The following RIMS1 variants were observed in gnomAD, a reference collection of about 807,000 sequenced individuals.
RIMS1 encodes the protein regulating synaptic membrane exocytosis 1.
A neutral mutation model predicts 214.1 loss-of-function variants in RIMS1; 83 were observed. The ratio of observed to expected loss-of-function variants is 0.39; its 90% CI spans 0.32 to 0.47. The LOEUF is 0.47. RIMS1 is among the 20% of genes least tolerant of loss of function. RIMS1 has a pLI of 0.99. For missense variants in RIMS1, 2,050 were observed against 2,161.8 expected (o/e 0.95, Z 1.03); for synonymous variants, 793 against 786.8 (o/e 1.01, Z -0.13).
At chr6:71,954,266 T>TA (rs1455244889) in intron 1 of RIMS1, among the ~76,000 whole-genome samples, 1 of 152,208 alleles carries the variant, frequency 6.6e-6, no homozygotes, top group African/African-American at 2.4e-5. Context: ...TTCCCAGCAA[T>TA]AAATCTTAGT....
intron 4 of RIMS1, among the ~76,000 whole-genome samples, chr6:72,150,339 A>G (rs2043365759): frequency 6.6e-6 from 1 of 152,192 alleles, no homozygotes; most frequent in Non-Finnish European, 1.5e-5. Flanking sequence ...GAGGTTCTCA[A>G]TTTGGTCTGT....
intron 25 of RIMS1, among the ~76,000 whole-genome samples, 186 bp from the exon 26 acceptor site, chr6:72,291,748 C>T (rs1285698938): frequency 6.6e-6 from 1 of 152,172 alleles, no homozygotes; most frequent in Non-Finnish European, 1.5e-5. Context: ...GCACATTGCC[C>T]TATCTCATTT....
intron 29 of RIMS1, among the ~76,000 whole-genome samples, chr6:72,340,542 A>T (rs2097032552): frequency 6.6e-6 from 1 of 152,154 alleles, no homozygotes; most frequent in African/African-American, 2.4e-5. Context: ...TAAATAGGGA[A>T]TCCTTTCCCC....
rs1291728332 is a variant in RIMS1, at chr6:72,390,583, ACT to A, written c.4367-9_4367-8del. ...CTAAATAAAACTTAGAGTTTCTTTT[ACT>A]CTCTCCTGTCAGAGTCGGGCCACAA... On this transcript the variant is annotated splice_polypyrimidine_tract_variant and intron_variant, in intron 29 of 33. Transcript: ENST00000521978. The A allele has an allele frequency of 2.5e-6, 4 of 1,605,248 alleles. No individual in the cohort carries two copies. The highest frequency in any genetic ancestry group is 3.4e-6 in the Non-Finnish European group (4 of 1,175,398).
intron 28 of RIMS1, among the ~76,000 whole-genome samples, chr6:72,319,860 C>G (rs1011304390): frequency 1.9e-4 from 29 of 151,862 alleles, no homozygotes; most frequent in Non-Finnish European, 4.1e-4. Context: ...TGAATCATAC[C>G]TGCCACTCCT....
At chr6:72,306,477 G>A (rs2095180359) in intron 26 of RIMS1, among the ~76,000 whole-genome samples, 2 of 152,144 alleles carry the variant, frequency 1.3e-5, no homozygotes, top group Admixed American at 6.5e-5. Flanking sequence ...TTGAAGTGAT[G>A]TTGCTGATGG....
At chr6:72,238,896 C>T (rs2065451632) in intron 9 of RIMS1, among the ~76,000 whole-genome samples, 1 of 152,038 alleles carries the variant, frequency 6.6e-6, no homozygotes, top group Non-Finnish European at 1.5e-5. Flanking sequence ...GATATCAGTT[C>T]AAAATCATTT....
At chr6:72,264,339 A>G (rs922663512) in intron 19 of RIMS1, among the ~76,000 whole-genome samples, 2 of 152,204 alleles carry the variant, frequency 1.3e-5, no homozygotes, top group Non-Finnish European at 2.9e-5. Context: ...CTGCCAATTC[A>G]AAATCCATAT....
At chr6:72,207,853 C>T (rs2053191905) in intron 6 of RIMS1, among the ~76,000 whole-genome samples, 1 of 152,042 alleles carries the variant, frequency 6.6e-6, no homozygotes, top group Non-Finnish European at 1.5e-5. Flanking sequence ...TTTTTTAAGG[C>T]ATAGTGGAGT....
chr6:72,206,241 T>C (rs1183577374), intron 6 of RIMS1, among the ~76,000 whole-genome samples: 1 of 152,208 alleles, frequency 6.6e-6, no homozygotes, highest in African/African-American at 2.4e-5. Context: ...ATGCATTTCA[T>C]TTCTATCATT....
chr6:72,236,034 A>G (rs1387578909), intron 8 of RIMS1, among the ~76,000 whole-genome samples: 1 of 152,096 alleles, frequency 6.6e-6, no homozygotes, highest in Non-Finnish European at 1.5e-5. Context: ...TCTAATTACA[A>G]TAGTTTTGTA....
chr6:72,243,968 CTT>C (rs1220455350), intron 10 of RIMS1, among the ~76,000 whole-genome samples: 3 of 141,264 alleles, frequency 2.1e-5, no homozygotes, highest in Non-Finnish European at 1.6e-5. Flanking sequence ...ATTTTAGCTG[CTT>C]TTTTTTTTTT....
chr6:71,946,660 A>T (rs1337503846), intron 1 of RIMS1, among the ~76,000 whole-genome samples: 1 of 152,166 alleles, frequency 6.6e-6, no homozygotes, highest in African/African-American at 2.4e-5. Flanking sequence ...TAAATGTAAG[A>T]CCTGAAACTC....
At chr6:71,966,143 C>A (rs1287475471) in intron 1 of RIMS1, among the ~76,000 whole-genome samples, 1 of 152,076 alleles carries the variant, frequency 6.6e-6, no homozygotes, top group Non-Finnish European at 1.5e-5. Context: ...TAGAAGCCCC[C>A]GAAATTGGGT....
chr6:72,348,849 A>G (rs2097352876), intron 29 of RIMS1, among the ~76,000 whole-genome samples: 1 of 152,010 alleles, frequency 6.6e-6, no homozygotes, highest in African/African-American at 2.4e-5. Context: ...ATAAAAATGT[A>G]CATTTATGAG....
intron 2 of RIMS1, among the ~76,000 whole-genome samples, chr6:72,033,555 C>T (rs1818748812): frequency 6.7e-6 from 1 of 150,308 alleles, no homozygotes; most frequent in African/African-American, 2.5e-5. Context: ...GATCTCGGCT[C>T]ACTGCTACCT....
intron 28 of RIMS1, among the ~76,000 whole-genome samples, chr6:72,319,537 G>A (rs894310417): frequency 6.6e-6 from 1 of 152,130 alleles, no homozygotes; most frequent in African/African-American, 2.4e-5. Context: ...AAGACTACCA[G>A]CCTGCCCTTA....
chr6:72,255,939 G>A (rs974854194), intron 16 of RIMS1, among the ~76,000 whole-genome samples: 1 of 151,470 alleles, frequency 6.6e-6, no homozygotes, highest in East Asian at 1.9e-4. Flanking sequence ...AGGAGGCTGA[G>A]GCAGGAGAAT....
At chr6:72,171,127 C>T (rs1562487010) in intron 4 of RIMS1, among the ~76,000 whole-genome samples, 2 of 151,984 alleles carry the variant, frequency 1.3e-5, no homozygotes, top group South Asian at 2.1e-4. Flanking sequence ...TCATTGCTGC[C>T]TCTTACCTGC....
Sources: gnomAD v4.1 joint callset for allele counts (sites outside exome capture counted in the v4.1 genomes callset) on GRCh38, gnomAD v4.1.1 for gene constraint, MANE v1.5 for transcripts, NCBI Gene and HGNC (gene_info 2026-07-23, HGNC 2026-07-21) for gene names.